The following ELF5 variants were observed in gnomAD, a reference collection of about 807,000 sequenced individuals.
ELF5 encodes ETS-related transcription factor Elf-5.
In ELF5, 31 loss-of-function variants were observed where a neutral mutation model predicts 38.2. That is an observed-to-expected ratio of 0.81 (90% CI 0.61 to 1.10). The LOEUF is 1.10. Ranked by LOEUF, ELF5 falls within the 50% of genes least tolerant of loss-of-function variation. The pLI is 0.00. For synonymous variants in ELF5, 121 were observed against 112.5 expected (o/e 1.08, Z -0.48); for missense variants, 300 against 306.6 (o/e 0.98, Z 0.16).
At chr11:34,511,442 A>G in intron 1 of ELF5, 1 of 1,502,270 alleles carries the variant, frequency 6.7e-7, no homozygotes, top group East Asian at 2.3e-5. Flanking sequence ...TGTAGTCATC[A>G]TTCTAGCTGC....
Position 34,479,273 on chromosome 11 carries a change from G to C in ELF5, c.*945C>G, listed in dbSNP as rs192003864. The C allele has an allele frequency of 3.9e-5, 6 of 152,402 alleles. No individual in the cohort carries two copies. Among genetic ancestry groups the C allele is most frequent in the African/African-American group, 7.2e-5 (3 of 41,434 alleles). The allele number at this position is 152,402 out of a possible 1,614,324, so 9.4% of individuals were successfully genotyped here. A position where few individuals can be genotyped will look rare whatever the true frequency, so the allele number is the denominator to read the frequency against. ...ACCTGAGATGGAATCAATGAATTTCGATTTTATTGTGTTGACAGCTTGAAT... is the reference window on the plus strand; with the variant it reads ...ACCTGAGATGGAATCAATGAATTTCCATTTTATTGTGTTGACAGCTTGAAT... On this transcript the variant is annotated 3_prime_UTR_variant, in exon 7 of 7. Transcript: ENST00000257832.
intron 1 of ELF5, among the ~76,000 whole-genome samples, chr11:34,509,727 G>T (rs1448253811): frequency 6.6e-6 from 1 of 152,202 alleles, no homozygotes; most frequent in Non-Finnish European, 1.5e-5. Flanking sequence ...CTTCAGAAAA[G>T]TTCCTTTAAG....
At position 34,482,627 on chromosome 11, in the gene ELF5, G is replaced by T. The variant is rs149413922; in HGVS notation, c.407-128C>A. The stretch of plus-strand genomic sequence containing the variant: ...AGAAGACACCACATTAGGCACTTTG[G>T]GGGTGATTACTAGGTGGCAGGTGTC... On this transcript the variant is annotated intron_variant, in intron 4 of 6. Coordinates refer to ENST00000257832, the MANE Select transcript of ELF5 (RefSeq NM_001422.4). 1.1e-3 allele frequency: 736 copies of T among 686,076 alleles called. 3 individuals carry two copies. The African/African-American group carries it at 0.012, about 11-fold the overall frequency. The allele number at this position is 686,076 out of a possible 1,614,324, so 42.5% of individuals were successfully genotyped here.
intron 4 of ELF5, among the ~76,000 whole-genome samples, chr11:34,485,014 G>C (rs935229920): frequency 3.9e-5 from 6 of 152,128 alleles, no homozygotes; most frequent in African/African-American, 1.4e-4. Flanking sequence ...TACCTTACTG[G>C]AAAGATCCAT....
At chr11:34,486,788 A>C (rs1485263714) in intron 4 of ELF5, among the ~76,000 whole-genome samples, 1 of 152,260 alleles carries the variant, frequency 6.6e-6, no homozygotes, top group African/African-American at 2.4e-5. Flanking sequence ...TGTTATGCTT[A>C]GTACATAGTA....
intron 2 of ELF5, among the ~76,000 whole-genome samples, chr11:34,504,577 C>G (rs1272770833): frequency 6.6e-6 from 1 of 152,240 alleles, no homozygotes; most frequent in Non-Finnish European, 1.5e-5. Context: ...GCCTCTCTTG[C>G]ACACTGCCTG....
chr11:34,507,390 A>C (rs1564986411), intron 1 of ELF5, among the ~76,000 whole-genome samples: 1 of 152,246 alleles, frequency 6.6e-6, no homozygotes, highest in African/African-American at 2.4e-5. Flanking sequence ...TGAGGGATGG[A>C]GGCTCTGAGA....
chr11:34,488,119 C>G (rs1350095370), intron 4 of ELF5, among the ~76,000 whole-genome samples: 1 of 152,166 alleles, frequency 6.6e-6, no homozygotes, highest in Non-Finnish European at 1.5e-5. Context: ...ACACACAAAA[C>G]ATGCTGATCT....
At chr11:34,486,483 T>C (rs1330974326) in intron 4 of ELF5, among the ~76,000 whole-genome samples, 1 of 152,082 alleles carries the variant, frequency 6.6e-6, no homozygotes, top group Non-Finnish European at 1.5e-5. Context: ...GGCCCAGAAC[T>C]TGAGGAGTTT....
At chr11:34,491,657 A>G (rs999080409) in intron 3 of ELF5, 8 of 150,416 alleles carry the variant, frequency 5.3e-5, no homozygotes, top group African/African-American at 2.0e-4. Context: ...CTCACTTGCA[A>G]CCTCCACCTC....
At chr11:34,480,702 A>G (rs1856917281) in intron 6 of ELF5, 70 bp downstream of exon 6, 1 of 1,527,014 alleles carries the variant, frequency 6.5e-7, no homozygotes, top group Non-Finnish European at 8.9e-7. Context: ...AAAACAGTGT[A>G]ATTTTCTACA....
chr11:34,482,597 G>A (rs913924051), intron 4 of ELF5, 98 bp from the exon 5 acceptor site: 1 of 964,366 alleles, frequency 1.0e-6, no homozygotes, highest in East Asian at 2.6e-5. Flanking sequence ...GAATGCCTTT[G>A]TAGTAGAAGA....
At chr11:34,491,291 A>G (rs917566111) in intron 3 of ELF5, among the ~76,000 whole-genome samples, 30 of 152,126 alleles carry the variant, frequency 2.0e-4, no homozygotes, top group African/African-American at 6.0e-4. Flanking sequence ...TTTGATCACA[A>G]TATATATATC....
At position 34,488,342 on chromosome 11, in the gene ELF5, G is replaced by A. The variant is rs1047182225; in HGVS notation, c.406+1667C>T. On this transcript the variant is annotated intron_variant, in intron 4 of 6. Transcript: ENST00000257832. ...AACAGGAGAGAAATAAATGGGTAAG[G>A]GGAGCAAAGGCATGAAGGGCTTTAG... 3.3e-5 allele frequency among the ~76,000 whole-genome samples: 5 copies of A among 152,268 alleles called. No individual in the cohort carries two copies. In the East Asian group the frequency reaches 7.7e-4, roughly 24 times the overall value.
intron 3 of ELF5, among the ~76,000 whole-genome samples, chr11:34,490,853 G>A (rs367612121): frequency 6.6e-6 from 1 of 152,084 alleles, no homozygotes; most frequent in Non-Finnish European, 1.5e-5. Flanking sequence ...GGTCAGCCAC[G>A]CGCCTCAGTT....
intron 2 of ELF5, among the ~76,000 whole-genome samples, chr11:34,498,860 G>A (rs1490308872): frequency 1.3e-5 from 2 of 152,144 alleles, no homozygotes; most frequent in Non-Finnish European, 2.9e-5. Context: ...GGGAGGCTGA[G>A]GCAGGTGTAT....
chr11:34,505,522 G>A (rs1331993204), intron 2 of ELF5, 107 bp downstream of exon 2: 1 of 1,527,672 alleles, frequency 6.5e-7, no homozygotes, highest in Non-Finnish European at 8.9e-7. Context: ...CTGAACTCTG[G>A]TGTTCCTAGG....
chr11:34,482,261 A>G (rs1313174127), intron 5 of ELF5, among the ~76,000 whole-genome samples, 170 bp downstream of exon 5: 2 of 152,260 alleles, frequency 1.3e-5, no homozygotes, highest in Non-Finnish European at 2.9e-5. Context: ...AGAAGAAATC[A>G]ATCTGACTTT....
chr11:34,503,964 C>T lies in ELF5; in HGVS notation c.121+1665G>A, dbSNP rs868589093. ...GCCAGACTTCCCATTTGGGACACAC[C>T]AGGTCTTCATGACACAGAGCCGCTG... On this transcript the variant is annotated intron_variant, in intron 2 of 6. Transcript: ENST00000257832. 4.3e-4 allele frequency among the ~76,000 whole-genome samples: 65 copies of T among 152,264 alleles called. 2 individuals carry two copies. The Middle Eastern group carries it at 0.01, about 24-fold the overall frequency.
Sources: gnomAD v4.1 joint callset for allele counts (sites outside exome capture counted in the v4.1 genomes callset) on GRCh38, gnomAD v4.1.1 for gene constraint, MANE v1.5 for transcripts, NCBI Gene and HGNC (gene_info 2026-07-23, HGNC 2026-07-21) for gene names.